SMIM14: variants seen among roughly 807,000 people sequenced by gnomAD.
SMIM14 encodes the protein small integral membrane protein 14.
In SMIM14, 5 loss-of-function variants were observed where a neutral mutation model predicts 12.6. The ratio of observed to expected loss-of-function variants is 0.40; its 90% CI spans 0.21 to 0.83. The LOEUF (loss-of-function observed/expected upper bound fraction) is 0.83. SMIM14 is among the 40% of genes least tolerant of loss of function. SMIM14 has a pLI of 0.37. For synonymous variants in SMIM14, 30 were observed against 40.1 expected (o/e 0.75, Z 0.95); for missense variants, 86 against 119.1 (o/e 0.72, Z 1.29).
At chr4:39,620,092 G>C (rs1385032737) in intron 1 of SMIM14, among the ~76,000 whole-genome samples, 1 of 150,798 alleles carries the variant, frequency 6.6e-6, no homozygotes, top group Non-Finnish European at 1.5e-5. Flanking sequence ...TGTAATCCCA[G>C]CACTTTGGGA....
intron 1 of SMIM14, among the ~76,000 whole-genome samples, chr4:39,609,560 A>G (rs1578354694): frequency 6.6e-6 from 1 of 152,200 alleles, no homozygotes; most frequent in Non-Finnish European, 1.5e-5. Context: ...AGAGTATGAC[A>G]TGTTGGAGGA....
At position 39,638,724 on chromosome 4, in the gene SMIM14, G is replaced by C. The variant is rs534413674; in HGVS notation, c.-36+15C>G. ...TGAGCCAGCAAACGCTGGTGGGAGA[G>C]GGGGAGACACTCACCCGCCCAGACA... is the stretch of plus-strand genomic sequence containing the variant. On this transcript the variant is annotated intron_variant, in intron 1 of 4. Transcript: ENST00000295958. The C allele has an allele frequency of 6.9e-5, 68 of 985,322 alleles. No homozygotes were observed. The highest frequency in any genetic ancestry group is 2.4e-5 in the Non-Finnish European group (20 of 829,978). The allele number at this position is 985,322 out of a possible 1,614,324, so 61.0% of individuals were successfully genotyped here.
intron 2 of SMIM14, among the ~76,000 whole-genome samples, chr4:39,576,660 G>GTGTATATATATATATATATATATATA (rs1339477098): frequency 5.4e-4 from 39 of 72,360 alleles, no homozygotes; most frequent in South Asian, 4.5e-3. Context: ...GTGTGTATGT[G>GTGTATATATATATATATATATATATA]TATATATATA....
chr4:39,572,668 A>C (rs1435652020), intron 2 of SMIM14, among the ~76,000 whole-genome samples: 1 of 151,940 alleles, frequency 6.6e-6, no homozygotes. Context: ...CAAAAAATAC[A>C]AAAATTAGCC....
intron 2 of SMIM14, among the ~76,000 whole-genome samples, chr4:39,602,619 G>A (rs764756650): frequency 1.3e-5 from 2 of 151,864 alleles, no homozygotes; most frequent in South Asian, 2.1e-4. Flanking sequence ...AAAAACGATC[G>A]GCTCTTTGCT....
chr4:39,577,192 T>C (rs972607107), intron 2 of SMIM14, among the ~76,000 whole-genome samples: 1 of 152,046 alleles, frequency 6.6e-6, no homozygotes, highest in East Asian at 1.9e-4. Context: ...AGGAGGAGGC[T>C]TCCCTTTGAT....
intron 2 of SMIM14, chr4:39,593,656 T>C (rs912662388): frequency 1.9e-4 from 29 of 152,122 alleles, no homozygotes; most frequent in Non-Finnish European, 2.5e-4. Context: ...GAAAACCCCA[T>C]TGTCTCAGCC....
chr4:39,585,906 A>T (rs1713762008), intron 2 of SMIM14, among the ~76,000 whole-genome samples: 1 of 152,078 alleles, frequency 6.6e-6, no homozygotes, highest in Non-Finnish European at 1.5e-5. Context: ...TTCCCTTGTC[A>T]TGAAGAATAA....
chr4:39,581,749 G>A (rs2110023209), intron 2 of SMIM14, among the ~76,000 whole-genome samples: 1 of 152,074 alleles, frequency 6.6e-6, no homozygotes, highest in Non-Finnish European at 1.5e-5. Flanking sequence ...TTTTAGTAGA[G>A]ACGGAGTTTC....
At position 39,619,628 on chromosome 4, in the gene SMIM14, T is replaced by C. The variant is rs1197392067; in HGVS notation, c.-35-14448A>G. 1.2e-4 allele frequency among the ~76,000 whole-genome samples: 11 copies of C among 91,876 alleles called. No individual in the cohort carries two copies. In the East Asian group the frequency reaches 1.7e-3, roughly 14 times the overall value. The allele number at this position is 91,876 out of a possible 152,430, so 60.3% of individuals were successfully genotyped here. Reference sequence around the variant, plus strand: ...TCTATATATCAATAAATATAATTTATTCTATATATCAATAAATATAATTTA... The same window carrying C: ...TCTATATATCAATAAATATAATTTACTCTATATATCAATAAATATAATTTA... On this transcript the variant is annotated intron_variant, in intron 1 of 4. Coordinates refer to ENST00000295958, the MANE Select transcript of SMIM14 (RefSeq NM_174921.3).
chr4:39,612,257 T>C (rs981858303), intron 1 of SMIM14: 2 of 152,186 alleles, frequency 1.3e-5, no homozygotes, highest in African/African-American at 4.8e-5. Flanking sequence ...CTTTTCTTTT[T>C]TTGTTTTTTC....
At chr4:39,563,686 T>G (rs1317800366) in intron 3 of SMIM14, among the ~76,000 whole-genome samples, 1 of 152,188 alleles carries the variant, frequency 6.6e-6, no homozygotes, top group Non-Finnish European at 1.5e-5. Context: ...CATAAAAATC[T>G]CCATTTCCTC....
intron 1 of SMIM14, among the ~76,000 whole-genome samples, chr4:39,632,033 T>C (rs909591256): frequency 5.9e-5 from 9 of 152,148 alleles, no homozygotes; most frequent in African/African-American, 2.2e-4. Flanking sequence ...TAAGCCCTAC[T>C]ATACACCTAA....
intron 2 of SMIM14, among the ~76,000 whole-genome samples, chr4:39,589,315 G>A (rs895797004): frequency 1.3e-5 from 2 of 152,130 alleles, no homozygotes; most frequent in Non-Finnish European, 2.9e-5. Flanking sequence ...TCAAACTCCT[G>A]ACCTCAAATG....
At chr4:39,635,592 CT>C (rs1716058395) in intron 1 of SMIM14, among the ~76,000 whole-genome samples, 2 of 152,050 alleles carry the variant, frequency 1.3e-5, no homozygotes, top group South Asian at 4.2e-4. Flanking sequence ...ATATTGAATA[CT>C]ATAAGCCAAA....
chr4:39,555,902 CTT>C (rs780807342), intron 4 of SMIM14, among the ~76,000 whole-genome samples: 7 of 152,088 alleles, frequency 4.6e-5, no homozygotes, highest in Non-Finnish European at 8.8e-5. Flanking sequence ...AGGATTGAGA[CTT>C]GAGCAATATT....
At chr4:39,573,125 C>A (rs1006126129) in intron 2 of SMIM14, among the ~76,000 whole-genome samples, 8 of 150,034 alleles carry the variant, frequency 5.3e-5, no homozygotes, top group East Asian at 2.0e-4. Flanking sequence ...TATTTAGTTT[C>A]GCTCTTGTTG....
At chr4:39,599,188 C>T (rs1045532581) in intron 2 of SMIM14, among the ~76,000 whole-genome samples, 1 of 152,122 alleles carries the variant, frequency 6.6e-6, no homozygotes, top group African/African-American at 2.4e-5. Context: ...GTTGAGAAGT[C>T]TAAAGTCGTT....
chr4:39,572,639 C>T (rs1712957444), intron 2 of SMIM14, among the ~76,000 whole-genome samples, 176 bp from the exon 3 acceptor site: 1 of 151,822 alleles, frequency 6.6e-6, no homozygotes, highest in Admixed American at 6.6e-5. Flanking sequence ...CTGGGTAACA[C>T]AGCAATACCC....
Sources: allele counts gnomAD v4.1 joint callset (sites outside exome capture counted in the v4.1 genomes callset), GRCh38; gene constraint gnomAD v4.1.1; transcripts MANE v1.5; gene names NCBI Gene and HGNC (gene_info 2026-07-23, HGNC 2026-07-21).